Variants in POLR2F observed in about 807,000 individuals in gnomAD.
POLR2F encodes DNA-directed RNA polymerases I, II, and III subunit RPABC2.
Under a neutral mutation model 22.7 loss-of-function variants are expected in POLR2F, and 12 were observed. The ratio of observed to expected loss-of-function variants is 0.53; its 90% CI spans 0.34 to 0.86. The LOEUF (loss-of-function observed/expected upper bound fraction) is 0.86, where lower values mean the gene tolerates loss of function less well. POLR2F is among the 40% of genes least tolerant of loss of function. The probability of loss-of-function intolerance (pLI) is 0.02; values close to 1 mark genes in which losing one functional copy is unlikely to be tolerated. For missense variants in POLR2F, 126 were observed against 171.5 expected (o/e 0.73, Z 1.48); for synonymous variants, 57 against 66.0 (o/e 0.86, Z 0.66).
chr22:37,968,605 C>T lies in POLR2F; in HGVS notation c.*890C>T. 1 of 985,620 alleles carries T rather than the reference C, an allele frequency of 1.0e-6. No individual in the cohort carries two copies. The highest frequency in any genetic ancestry group is 1.7e-5 in the African/African-American group (1 of 57,384). 61.1% of individuals were successfully genotyped at this position (985,620 alleles called of 1,614,324 possible). A position where few individuals can be genotyped will look rare whatever the true frequency, so the allele number is the denominator to read the frequency against. On this transcript the variant is annotated 3_prime_UTR_variant, in exon 5 of 5. Coordinates refer to ENST00000442738, the MANE Select transcript of POLR2F (RefSeq NM_021974.5). ...TCTTCCTTTCTCCACCCTGCTTACC[C>T]AACCTGAGGTAAGACCAGTCACACT...
chr22:37,999,958 A>G (rs920066719), intron 1 of POLR2F, among the ~76,000 whole-genome samples: 8 of 152,164 alleles, frequency 5.3e-5, no homozygotes, highest in Non-Finnish European at 1.0e-4. Flanking sequence ...GACTGCCTGG[A>G]TCTGCACCTG....
At chr22:38,000,663 A>G (rs779941046) in intron 1 of POLR2F, among the ~76,000 whole-genome samples, 5 of 152,182 alleles carry the variant, frequency 3.3e-5, no homozygotes, top group Admixed American at 1.3e-4. Flanking sequence ...ATAAGCCAAC[A>G]CCATTGAGGA....
chr22:38,038,745 T>C (rs1224474913), intron 5 of POLR2F, among the ~76,000 whole-genome samples: 1 of 151,666 alleles, frequency 6.6e-6, no homozygotes, highest in East Asian at 1.9e-4. Flanking sequence ...CCTGCCCCTC[T>C]CGCTGGCTCT....
At chr22:38,024,385 C>T (rs951093233) in intron 1 of POLR2F, among the ~76,000 whole-genome samples, 7 of 152,142 alleles carry the variant, frequency 4.6e-5, no homozygotes, top group African/African-American at 1.7e-4. Flanking sequence ...ACGAATGATG[C>T]TGCTATGAAT....
chr22:38,029,743 G>A (rs2085047840), downstream of POLR2F, among the ~76,000 whole-genome samples: 2 of 152,168 alleles, frequency 1.3e-5, no homozygotes, highest in South Asian at 4.1e-4. Context: ...AGGGAAGGCA[G>A]GGGATTTTGG....
In POLR2F at chr22:37,986,853, A is replaced by C. The variant is rs980672111; in HGVS notation, c.120+541A>C. 4.4e-6 allele frequency: 2 copies of C among 454,172 alleles called. No homozygotes were observed. Among genetic ancestry groups the C allele is most frequent in the African/African-American group, 4.0e-5 (2 of 50,064 alleles). 28.1% of individuals were successfully genotyped at this position (454,172 alleles called of 1,614,324 possible). On this transcript the variant is annotated intron_variant, in intron 1 of 2. Transcript: ENST00000333418. This position sits in a 1 kb window ranked among gnomAD's most constrained non-coding sequence, Gnocchi z 4.7. ...GGAACCCAGTGCTCTCCAGCAGGCAAGGGTGAAGGACCCATAGTCATTCCT... is the reference window on the plus strand; with the variant it reads ...GGAACCCAGTGCTCTCCAGCAGGCACGGGTGAAGGACCCATAGTCATTCCT...
At chr22:38,027,674 A>G (rs2085026848), downstream of POLR2F, among the ~76,000 whole-genome samples, 1 of 152,110 alleles carries the variant, frequency 6.6e-6, no homozygotes, top group Admixed American at 6.6e-5. Context: ...GCTCATATGC[A>G]CGTGTGCACA....
At chr22:37,998,568 GC>G (rs2084739132) in intron 1 of POLR2F, among the ~76,000 whole-genome samples, 1 of 152,178 alleles carries the variant, frequency 6.6e-6, no homozygotes, top group Non-Finnish European at 1.5e-5. Flanking sequence ...GGGGCTGTGG[GC>G]TGGAAGGAGC....
At chr22:37,976,970 TG>T (rs761649834) in intron 4 of POLR2F, among the ~76,000 whole-genome samples, 2 of 151,862 alleles carry the variant, frequency 1.3e-5, no homozygotes, top group Non-Finnish European at 2.9e-5. Context: ...AGTTTGAGAC[TG>T]GGCCTGGGCA....
chr22:38,013,978 C>T lies in POLR2F; in HGVS notation c.121-11891C>T, dbSNP rs556387668. Among the ~76,000 whole-genome samples the T allele has an allele frequency of 1.1e-3, 160 of 151,920 alleles. 4 individuals are homozygous for T. In the South Asian group the frequency reaches 0.03, roughly 29 times the overall value. ...TCTCTACTAAAAATACAAAATTAGC[C>T]GGGCATGATGGCGCATGCCTGTAAT... On this transcript the variant is annotated intron_variant, in intron 1 of 2. Transcript: ENST00000333418.
intron 1 of POLR2F, among the ~76,000 whole-genome samples, chr22:38,005,595 C>T (rs573473282): frequency 1.3e-5 from 2 of 152,328 alleles, no homozygotes; most frequent in South Asian, 4.1e-4. Flanking sequence ...ACCAGCAAAA[C>T]ATTACGATGG....
chr22:37,983,646 C>T, upstream of POLR2F: 1 of 1,598,402 alleles, frequency 6.3e-7, no homozygotes, highest in South Asian at 1.1e-5. This position sits in a 1 kb window ranked among gnomAD's most constrained non-coding sequence, Gnocchi z 9.5. Context: ...TCGCCTGGCC[C>T]CGGGCTGGCT....
At chr22:37,979,261 C>T (rs192026612) in intron 4 of POLR2F, among the ~76,000 whole-genome samples, 2 of 147,402 alleles carry the variant, frequency 1.4e-5, no homozygotes, top group East Asian at 2.1e-4. Flanking sequence ...CCATGCCTGG[C>T]TAATTTTTGT....
chr22:37,982,395 G>C (rs1229744198), upstream of POLR2F, among the ~76,000 whole-genome samples: 1 of 152,146 alleles, frequency 6.6e-6, no homozygotes, highest in Non-Finnish European at 1.5e-5. Context: ...GCACTCCCGG[G>C]TGGGAGTGGG....
chr22:38,002,967 T>C (rs991552389), intron 1 of POLR2F, among the ~76,000 whole-genome samples: 1 of 152,054 alleles, frequency 6.6e-6, no homozygotes, highest in Non-Finnish European at 1.5e-5. Flanking sequence ...CCTCGTGATC[T>C]GCTTGCCTCG....
At chr22:37,965,327 A>G (rs1209667571) in intron 3 of POLR2F, among the ~76,000 whole-genome samples, 1 of 152,204 alleles carries the variant, frequency 6.6e-6, no homozygotes, top group Admixed American at 6.5e-5. Flanking sequence ...TTTGTTGGGT[A>G]GGTTTTGGAT....
chr22:37,957,638 C>T (rs1931452637), intron 2 of POLR2F, among the ~76,000 whole-genome samples: 1 of 152,134 alleles, frequency 6.6e-6, no homozygotes, highest in African/African-American at 2.4e-5. Context: ...TCAGATGCGT[C>T]CTTCTCCATC....
chr22:38,029,543 TCTCAATGGAGGCAGC>T (rs2085046360), downstream of POLR2F, among the ~76,000 whole-genome samples: 1 of 152,178 alleles, frequency 6.6e-6, no homozygotes, highest in African/African-American at 2.4e-5. Context: ...TGGCAAGACC[TCTCAATGGAGGCAGC>T]ACCTGGGATG....
At chr22:37,971,233 G>C (rs73170719), downstream of POLR2F, 3 of 471,054 alleles carry the variant, frequency 6.4e-6, no homozygotes, top group Non-Finnish European at 1.3e-5. Flanking sequence ...CTTGGAGTCA[G>C]AGCTGGGTTC....
Sources: allele counts gnomAD v4.1 joint callset (sites outside exome capture counted in the v4.1 genomes callset), GRCh38; gene constraint gnomAD v4.1.1; non-coding constraint Gnocchi (gnomAD v3.1); transcripts MANE v1.5; gene names NCBI Gene and HGNC (gene_info 2026-07-23, HGNC 2026-07-21).